TSHR: variants seen among roughly 807,000 people sequenced by gnomAD.
TSHR encodes thyrotropin receptor.
TSHR carries 51 observed loss-of-function variants against 64.1 expected under a neutral mutation model. The ratio of observed to expected loss-of-function variants is 0.80; its 90% confidence interval spans 0.64 to 1.01. The LOEUF is 1.01. TSHR is among the 50% of genes least tolerant of loss of function. The pLI, the probability that TSHR is intolerant of heterozygous loss-of-function variation, is 0.00. For missense variants in TSHR, 877 were observed against 942.8 expected (o/e 0.93, Z 0.91); for synonymous variants, 361 against 361.9 (o/e 1.00, Z 0.03).
chr14:81,095,963 C>T (rs1280861058), intron 6 of TSHR, among the ~76,000 whole-genome samples: 1 of 151,248 alleles, frequency 6.6e-6, no homozygotes. Context: ...TCGCTTAAGC[C>T]CAGGGACTCA....
intron 4 of TSHR, among the ~76,000 whole-genome samples, chr14:81,089,715 A>T (rs1283383114): frequency 6.6e-6 from 1 of 152,230 alleles, no homozygotes; most frequent in Non-Finnish European, 1.5e-5. Flanking sequence ...TGATCCAAGT[A>T]TATGGACCCC....
chr14:80,959,859 C>G (rs980700978), intron 1 of TSHR, among the ~76,000 whole-genome samples: 2 of 152,178 alleles, frequency 1.3e-5, no homozygotes, highest in African/African-American at 2.4e-5. Context: ...TCCATCTGTG[C>G]TGTTATTTAC....
At chr14:81,120,699 C>T (rs563800396) in intron 8 of TSHR, among the ~76,000 whole-genome samples, 1 of 152,078 alleles carries the variant, frequency 6.6e-6, no homozygotes, top group South Asian at 2.1e-4. Flanking sequence ...ACTAGGACTT[C>T]CAGTACTATG....
chr14:80,959,807 T>C (rs1027557072), intron 1 of TSHR, among the ~76,000 whole-genome samples: 25 of 152,246 alleles, frequency 1.6e-4, no homozygotes, highest in Non-Finnish European at 2.5e-4. Flanking sequence ...TTTACTAAAC[T>C]GAAGACAATC....
chr14:81,120,869 A>G (rs1291088841), intron 8 of TSHR, among the ~76,000 whole-genome samples: 2 of 152,182 alleles, frequency 1.3e-5, no homozygotes, highest in Non-Finnish European at 2.9e-5. Context: ...ACAATTCCTT[A>G]TACAGGAATA....
At chr14:81,012,500 C>G (rs946090091) in intron 1 of TSHR, 26 of 149,646 alleles carry the variant, frequency 1.7e-4, no homozygotes, top group South Asian at 1.1e-3. Context: ...GTTCTAGATC[C>G]CTGAGGAATC....
Position 81,130,998 on chromosome 14 carries a change from CA to C in TSHR, c.693-8660del, listed in dbSNP as rs76794218. ...GGGCGACAGAGCGAGACTCCGTCTC[CA>C]AAAAAAAAAAAAAAAAAAAACACTG... On this transcript the variant is annotated intron_variant, in intron 8 of 9. Coordinates refer to ENST00000298171, the MANE Select transcript of TSHR (RefSeq NM_000369.5). 2.7e-3 allele frequency among the ~76,000 whole-genome samples: 184 copies of C among 67,326 alleles called. 2 individuals are homozygous for C. Among genetic ancestry groups the C allele is most frequent in the Admixed American group, 4.1e-3 (23 of 5,568 alleles). The allele number at this position is 67,326 out of a possible 152,430, so 44.2% of individuals were successfully genotyped here. A position where few individuals can be genotyped will look rare whatever the true frequency, so the allele number is the denominator to read the frequency against.
At chr14:81,055,139 AG>A (rs375237434) in intron 1 of TSHR, among the ~76,000 whole-genome samples, 7 of 152,284 alleles carry the variant, frequency 4.6e-5, no homozygotes, top group African/African-American at 9.6e-5. Flanking sequence ...TGTGACTAAA[AG>A]GGGCCAAGAT....
intron 3 of TSHR, among the ~76,000 whole-genome samples, chr14:81,072,364 T>C (rs746089354): frequency 1.4e-4 from 21 of 152,154 alleles, no homozygotes; most frequent in Admixed American, 1.3e-3. Context: ...GTGAAAGTGT[T>C]CTAAAGGTCT....
chr14:81,025,098 A>G (rs1477032254), intron 1 of TSHR, among the ~76,000 whole-genome samples: 1 of 152,232 alleles, frequency 6.6e-6, no homozygotes, highest in East Asian at 1.9e-4. Flanking sequence ...AATTGTATGC[A>G]GTAATGATTT....
At chr14:81,091,767 C>T (rs931839234) in intron 5 of TSHR, among the ~76,000 whole-genome samples, 1 of 152,228 alleles carries the variant, frequency 6.6e-6, no homozygotes, top group African/African-American at 2.4e-5. Flanking sequence ...GTGATTTTGT[C>T]TGAGCAGTGT....
chr14:81,061,414 T>C (rs955180180), intron 1 of TSHR, among the ~76,000 whole-genome samples: 4 of 152,054 alleles, frequency 2.6e-5, no homozygotes, highest in African/African-American at 7.2e-5. Context: ...CAGTGACAGA[T>C]TGGATAAAGA....
intron 1 of TSHR, among the ~76,000 whole-genome samples, chr14:80,985,328 T>C (rs1271908893): frequency 6.6e-6 from 1 of 152,266 alleles, no homozygotes; most frequent in Non-Finnish European, 1.5e-5. Context: ...TTATCATTTG[T>C]GATTTATTCT....
chr14:81,143,804 T>C lies in TSHR; in HGVS notation c.1746T>C (p.Tyr582=). Residue 582 remains tyrosine (Y), a synonymous_variant, in exon 10 of 10, where the codon TAT becomes TAC. Transcript: ENST00000298171. ...CCGAGACCCCTCTTGCTCTGGCATA[T>C]ATTGTTTTTGTTCTGACGCTCAACA... ...MDTETPLALA[Y]IVFVLTLNIV... The C allele has an allele frequency of 1.9e-6, 3 of 1,614,000 alleles. No individual in the cohort carries two copies. Among genetic ancestry groups the C allele is most frequent in the Non-Finnish European group, 2.5e-6 (3 of 1,180,010 alleles).
In TSHR at chr14:81,146,095, GAAATT is replaced by G. The variant is rs1437133555; in HGVS notation, c.*1746_*1750del. ...ACCTAGAAGTTCGCTTGTAACTAAT[GAAATT>G]AAACAAATGTGTTGCCTTTTGTCAT... On this transcript the variant is annotated 3_prime_UTR_variant, in exon 10 of 10. Coordinates refer to ENST00000298171, the MANE Select transcript of TSHR (RefSeq NM_000369.5). The G allele has an allele frequency of 2.2e-5, 5 of 229,242 alleles. No homozygotes were observed. Among genetic ancestry groups the G allele is most frequent in the South Asian group, 3.6e-4 (2 of 5,498 alleles). 14.2% of individuals were successfully genotyped at this position (229,242 alleles called of 1,614,324 possible).
At chr14:81,000,991 A>G (rs2268462) in intron 1 of TSHR, among the ~76,000 whole-genome samples, 20,480 of 152,172 alleles carry the variant, frequency 0.13, 1,709 homozygotes, top group East Asian at 0.38. Flanking sequence ...TCAAGGAAAA[A>G]CAAGGACAGG....
intron 3 of TSHR, among the ~76,000 whole-genome samples, chr14:81,079,253 A>T (rs1469124357): frequency 6.6e-6 from 1 of 152,204 alleles, no homozygotes; most frequent in Non-Finnish European, 1.5e-5. Context: ...CTTTCTCTAT[A>T]AGAAAGTCAA....
intron 8 of TSHR, among the ~76,000 whole-genome samples, chr14:81,109,421 A>C (rs1418228265): frequency 1.3e-5 from 2 of 152,160 alleles, no homozygotes; most frequent in Non-Finnish European, 2.9e-5. Context: ...AAAACAACAA[A>C]AACAAAAACA....
intron 3 of TSHR, among the ~76,000 whole-genome samples, chr14:81,071,516 A>G (rs1887065727): frequency 6.6e-6 from 1 of 151,838 alleles, no homozygotes; most frequent in Non-Finnish European, 1.5e-5. Context: ...CTTTGCATCC[A>G]TTTTTCTCCC....
Sources: allele counts gnomAD v4.1 joint callset (sites outside exome capture counted in the v4.1 genomes callset), GRCh38; gene constraint gnomAD v4.1.1; transcripts MANE v1.5; gene names NCBI Gene and HGNC (gene_info 2026-07-23, HGNC 2026-07-21).